Variants in SRBD1 observed in about 807,000 individuals in gnomAD.
SRBD1 encodes S1 RNA binding domain 1.
In SRBD1, 88 loss-of-function variants were observed where a neutral mutation model predicts 115.3. That is an observed-to-expected ratio of 0.76 (90% CI 0.64 to 0.91). SRBD1 has a LOEUF of 0.91. Among genes scored for constraint, SRBD1 ranks in the 40% least tolerant of loss-of-function variants. The pLI, the probability that SRBD1 is intolerant of heterozygous loss-of-function variation, is 0.00. For synonymous variants in SRBD1, 509 were observed against 407.7 expected (o/e 1.25, Z -2.99); for missense variants, 1,385 against 1,177.4 (o/e 1.18, Z -2.58).
intron 4 of SRBD1, among the ~76,000 whole-genome samples, chr2:45,589,717 C>T (rs1003106155): frequency 2.0e-5 from 3 of 152,170 alleles, no homozygotes; most frequent in Non-Finnish European, 2.9e-5. Context: ...AAACCACATA[C>T]AAGCAGTCTT....
intron 16 of SRBD1, among the ~76,000 whole-genome samples, chr2:45,475,257 T>C (rs528878486): frequency 6.6e-6 from 1 of 152,316 alleles, no homozygotes; most frequent in Admixed American, 6.5e-5. Context: ...CAGACTTGAC[T>C]TCTTTCCATC....
intron 14 of SRBD1, among the ~76,000 whole-genome samples, chr2:45,530,962 G>A (rs754652909): frequency 1.4e-5 from 2 of 147,944 alleles, no homozygotes; most frequent in Non-Finnish European, 3.1e-5. Context: ...AAAGACAAAT[G>A]GGCAAGATGT....
At chr2:45,606,594 C>T (rs759443643) in intron 1 of SRBD1, among the ~76,000 whole-genome samples, 1 of 152,058 alleles carries the variant, frequency 6.6e-6, no homozygotes, top group Non-Finnish European at 1.5e-5. Flanking sequence ...AATAAAAGTT[C>T]ATTAAACTTA....
At chr2:45,581,866 A>C in intron 5 of SRBD1, 56 bp from the exon 6 acceptor site, 1 of 1,384,940 alleles carries the variant, frequency 7.2e-7, no homozygotes, top group Non-Finnish European at 1.0e-6. Context: ...CTTTCTTTTC[A>C]AAGCTACCTC....
intron 16 of SRBD1, among the ~76,000 whole-genome samples, chr2:45,470,602 T>A (rs1468773612): frequency 2.0e-5 from 3 of 152,266 alleles, no homozygotes; most frequent in Admixed American, 2.0e-4. Context: ...GAAAAAATTA[T>A]CAAGTAAATC....
chr2:45,408,150 T>C (rs1200625260), intron 19 of SRBD1, among the ~76,000 whole-genome samples: 1 of 152,194 alleles, frequency 6.6e-6, no homozygotes, highest in Non-Finnish European at 1.5e-5. Context: ...TTAATAGAAC[T>C]GAAATCAAAC....
chr2:45,444,214 T>A (rs1178518959), intron 16 of SRBD1, among the ~76,000 whole-genome samples: 1 of 152,122 alleles, frequency 6.6e-6, no homozygotes, highest in Non-Finnish European at 1.5e-5. Flanking sequence ...GAGACCAGCC[T>A]GGGCAACATA....
At chr2:45,518,423 A>G (rs1401233841) in intron 14 of SRBD1, among the ~76,000 whole-genome samples, 1 of 152,196 alleles carries the variant, frequency 6.6e-6, no homozygotes, top group Non-Finnish European at 1.5e-5. Flanking sequence ...ACCGTATTAT[A>G]ATTTCCAAAC....
chr2:45,565,035 A>G (rs1436645948), intron 9 of SRBD1, among the ~76,000 whole-genome samples: 1 of 152,208 alleles, frequency 6.6e-6, no homozygotes, highest in Non-Finnish European at 1.5e-5. Flanking sequence ...AGAGGGCCTA[A>G]TATTGCTAAG....
At chr2:45,588,621 CA>C (rs139646089) in intron 4 of SRBD1, among the ~76,000 whole-genome samples, 2,312 of 152,258 alleles carry the variant, frequency 0.015, 58 homozygotes, top group African/African-American at 0.053. Flanking sequence ...ACCCTAACTC[CA>C]GCTCTACAGC....
chr2:45,391,908 C>A (rs6708923), intron 20 of SRBD1, among the ~76,000 whole-genome samples: 3,224 of 152,236 alleles, frequency 0.021, 34 homozygotes, highest in Middle Eastern at 0.054. Flanking sequence ...TGCAGCCATA[C>A]CACCTCCAAA....
intron 16 of SRBD1, among the ~76,000 whole-genome samples, chr2:45,470,695 C>G (rs1669622493): frequency 6.6e-6 from 1 of 152,184 alleles, no homozygotes; most frequent in Non-Finnish European, 1.5e-5. Context: ...CTCAACAGAG[C>G]CAAACCTGCA....
chr2:45,393,708 A>T (rs1470773187), intron 19 of SRBD1, among the ~76,000 whole-genome samples: 1 of 152,224 alleles, frequency 6.6e-6, no homozygotes, highest in Non-Finnish European at 1.5e-5. Context: ...AATATTCATT[A>T]TAAGTTTAGT....
chr2:45,511,608 G>T (rs1670972195), intron 14 of SRBD1, among the ~76,000 whole-genome samples: 1 of 152,168 alleles, frequency 6.6e-6, no homozygotes, highest in African/African-American at 2.4e-5. Flanking sequence ...ATGACCTGTG[G>T]CTACTAGAGT....
intron 14 of SRBD1, among the ~76,000 whole-genome samples, chr2:45,511,479 A>T (rs1368315094): frequency 6.6e-6 from 1 of 152,202 alleles, no homozygotes; most frequent in Non-Finnish European, 1.5e-5. Context: ...AAAAGTTCTA[A>T]AACTTTATGT....
intron 1 of SRBD1, among the ~76,000 whole-genome samples, chr2:45,606,920 G>A (rs553471037): frequency 6.6e-6 from 1 of 152,280 alleles, no homozygotes; most frequent in African/African-American, 2.4e-5. Flanking sequence ...CCGCTTAGAA[G>A]AGGAAATAAT....
intron 14 of SRBD1, among the ~76,000 whole-genome samples, chr2:45,528,872 GA>G (rs1222493009): frequency 6.6e-6 from 1 of 151,838 alleles, no homozygotes; most frequent in Non-Finnish European, 1.5e-5. Context: ...AACTGAAAAG[GA>G]ATCTAGATAA....
chr2:45,449,735 C>T (rs1421427942), intron 16 of SRBD1, among the ~76,000 whole-genome samples: 4 of 152,282 alleles, frequency 2.6e-5, no homozygotes, highest in Non-Finnish European at 5.9e-5. Context: ...GTAGCACTAG[C>T]TTGTGCTCTT....
intron 16 of SRBD1, among the ~76,000 whole-genome samples, chr2:45,472,835 T>A (rs546115134): frequency 6.6e-6 from 1 of 152,180 alleles, no homozygotes; most frequent in African/African-American, 2.4e-5. Context: ...ACATGAAATA[T>A]CTTTCTTTTT....
Sources: allele counts gnomAD v4.1 joint callset (sites outside exome capture counted in the v4.1 genomes callset), GRCh38; gene constraint gnomAD v4.1.1; transcripts MANE v1.5; gene names NCBI Gene and HGNC (gene_info 2026-07-23, HGNC 2026-07-21).